PLXNA4: variants seen among roughly 807,000 people sequenced by gnomAD.
PLXNA4 encodes plexin A4, also known as plexin-A4.
In PLXNA4, 44 loss-of-function variants were observed where a neutral mutation model predicts 191.8. The ratio of observed to expected loss-of-function variants is 0.23; its 90% CI spans 0.18 to 0.29. PLXNA4 has a LOEUF of 0.29. Among genes scored for constraint, PLXNA4 ranks in the 10% least tolerant of loss-of-function variants. The pLI, the probability that PLXNA4 is intolerant of heterozygous loss-of-function variation, is 1.00. For synonymous variants in PLXNA4, 1,082 were observed against 1,009.5 expected (o/e 1.07, Z -1.36); for missense variants, 1,800 against 2,488.8 (o/e 0.72, Z 5.89).
intron 3 of PLXNA4, chr7:132,383,989 A>G (rs2116953825): frequency 1.0e-6 from 1 of 985,442 alleles, no homozygotes; most frequent in Admixed American, 6.1e-5. Flanking sequence ...ATCCCTATGC[A>G]GGTGCACATG....
intron 1 of PLXNA4, among the ~76,000 whole-genome samples, chr7:132,562,496 C>CTCCTCCTCCTCCTTCTCCTCCTCT (rs1801245960): frequency 8.0e-6 from 1 of 125,670 alleles, no homozygotes; most frequent in Non-Finnish European, 1.6e-5. Context: ...CTTCCTCTTT[C>CTCCTCCTCCTCCTTCTCCTCCTCT]TCCTCCTCCT....
Position 132,133,208 on chromosome 7 carries a change from G to A in PLXNA4, c.5439-9C>T. 2 of 1,613,690 alleles carry A rather than the reference G, an allele frequency of 1.2e-6. No homozygotes were observed. The highest frequency in any genetic ancestry group is 1.7e-6 in the Non-Finnish European group (2 of 1,179,810). On this transcript the variant is annotated splice_polypyrimidine_tract_variant and intron_variant, in intron 30 of 31. Transcript: ENST00000321063. ...CTATGTCTGAGTAATACCTGTGGAG[G>A]GATGGAAATAGGGAGAAGCTGAAGT... is the stretch of plus-strand genomic sequence containing the variant.
intron 2 of PLXNA4, among the ~76,000 whole-genome samples, chr7:132,498,539 C>T (rs1348730347): frequency 6.6e-6 from 1 of 152,166 alleles, no homozygotes; most frequent in Non-Finnish European, 1.5e-5. Context: ...AATTACCTCC[C>T]ACCAGGTCCC....
intron 1 of PLXNA4, among the ~76,000 whole-genome samples, chr7:132,554,800 A>G (rs1800716667): frequency 6.6e-6 from 1 of 152,182 alleles, no homozygotes; most frequent in African/African-American, 2.4e-5. Context: ...GCAAGTGAGG[A>G]CATCCAAGTA....
At chr7:132,556,235 C>T (rs1043223047) in intron 1 of PLXNA4, among the ~76,000 whole-genome samples, 3 of 152,220 alleles carry the variant, frequency 2.0e-5, no homozygotes, top group Non-Finnish European at 4.4e-5. Flanking sequence ...ACCCTGGGGC[C>T]AGAGAGGGAG....
chr7:132,574,981 G>T (rs1802159624), intron 1 of PLXNA4, among the ~76,000 whole-genome samples: 3 of 152,188 alleles, frequency 2.0e-5, no homozygotes, highest in Admixed American at 6.5e-5. Context: ...CTGAACACAT[G>T]ATCTTGGACA....
chr7:132,257,797 T>C (rs933673653), intron 4 of PLXNA4, among the ~76,000 whole-genome samples: 2 of 152,202 alleles, frequency 1.3e-5, no homozygotes, highest in Admixed American at 6.5e-5. Context: ...TACTAGGCCA[T>C]GTTTTCCGAG....
chr7:132,573,228 T>G (rs979744182), intron 1 of PLXNA4, among the ~76,000 whole-genome samples: 2 of 152,110 alleles, frequency 1.3e-5, no homozygotes, highest in African/African-American at 2.4e-5. Flanking sequence ...GCACATCTGT[T>G]GCATAGTCTA....
intron 3 of PLXNA4, among the ~76,000 whole-genome samples, chr7:132,482,064 T>C (rs535125080): frequency 1.4e-4 from 22 of 152,172 alleles, no homozygotes; most frequent in African/African-American, 5.3e-4. Flanking sequence ...AAAGTATGGG[T>C]TCAAGTCCCC....
intron 3 of PLXNA4, among the ~76,000 whole-genome samples, chr7:132,417,667 G>A (rs1242702839): frequency 1.4e-5 from 2 of 146,118 alleles, no homozygotes; most frequent in Non-Finnish European, 3.0e-5. Context: ...AGGAGAGAGA[G>A]AAAAAGACTG....
Position 132,313,411 on chromosome 7 carries a change from C to T in PLXNA4, c.1372-15189G>A, listed in dbSNP as rs575631371. Among the ~76,000 whole-genome samples, 31 of 152,096 alleles carry T rather than the reference C, an allele frequency of 2.0e-4. No individual in the cohort carries two copies. The South Asian group carries it at 6.2e-3, about 31-fold the overall frequency. Reference sequence around the variant, plus strand: ...CAGGGAGAGACTAAAAGTAGGGTGACAGTAAAGGACTATGATTCTTATCTT... The same window carrying T: ...CAGGGAGAGACTAAAAGTAGGGTGATAGTAAAGGACTATGATTCTTATCTT... On this transcript the variant is annotated intron_variant, in intron 3 of 31. Transcript: ENST00000321063.
chr7:132,589,076 T>C (rs1802559417), intron 2 of PLXNA4, among the ~76,000 whole-genome samples: 1 of 152,214 alleles, frequency 6.6e-6, no homozygotes. Flanking sequence ...CATATCATGT[T>C]TAGAATCATC....
intron 3 of PLXNA4, among the ~76,000 whole-genome samples, chr7:132,392,897 C>T (rs558066092): frequency 2.0e-5 from 3 of 152,236 alleles, no homozygotes; most frequent in Admixed American, 1.3e-4. Flanking sequence ...CCCAGGAGCC[C>T]TAGGAGATGC....
intron 12 of PLXNA4, among the ~76,000 whole-genome samples, chr7:132,201,364 C>A (rs558466527): frequency 6.6e-6 from 1 of 152,208 alleles, no homozygotes; most frequent in South Asian, 2.1e-4. Context: ...TTTGGACTGA[C>A]AAGGTAAGGG....
intron 2 of PLXNA4, among the ~76,000 whole-genome samples, chr7:132,628,842 A>G (rs895224887): frequency 2.6e-5 from 4 of 152,190 alleles, no homozygotes; most frequent in East Asian, 1.9e-4. Context: ...CATTTTCATC[A>G]TGAGGATATT....
chr7:132,377,329 A>G (rs1804696669), intron 3 of PLXNA4, among the ~76,000 whole-genome samples: 2 of 151,928 alleles, frequency 1.3e-5, no homozygotes, highest in Non-Finnish European at 2.9e-5. Flanking sequence ...CCTCCTTTTT[A>G]TAGCCTCCCC....
intron 5 of PLXNA4, among the ~76,000 whole-genome samples, chr7:132,229,854 G>A (rs9641936): frequency 3.3e-5 from 5 of 152,128 alleles, no homozygotes; most frequent in East Asian, 3.9e-4. Flanking sequence ...AGCTGCTATT[G>A]GGGTAACTCA....
chr7:132,162,000 G>A (rs1795966510), intron 24 of PLXNA4, among the ~76,000 whole-genome samples: 1 of 152,116 alleles, frequency 6.6e-6, no homozygotes, highest in African/African-American at 2.4e-5. Context: ...ACCCCTAGAG[G>A]CACACCTGAC....
chr7:132,553,065 G>A (rs1451500281), intron 1 of PLXNA4, among the ~76,000 whole-genome samples: 1 of 152,172 alleles, frequency 6.6e-6, no homozygotes, highest in Non-Finnish European at 1.5e-5. Context: ...TGCTGGAAAA[G>A]CCAGTATCTC....
Sources: gnomAD v4.1 joint callset for allele counts (sites outside exome capture counted in the v4.1 genomes callset) on GRCh38, gnomAD v4.1.1 for gene constraint, MANE v1.5 for transcripts, NCBI Gene and HGNC (gene_info 2026-07-23, HGNC 2026-07-21) for gene names.